The following ULK4 variants were observed in gnomAD, a reference collection of about 807,000 sequenced individuals.
ULK4 encodes the protein inactive serine/threonine-protein kinase ULK4.
Under a neutral mutation model 160.6 loss-of-function variants are expected in ULK4, and 133 were observed. That is an observed-to-expected ratio of 0.83 (90% confidence interval 0.72 to 0.96). The LOEUF (loss-of-function observed/expected upper bound fraction) is 0.96. Among genes scored for constraint, ULK4 ranks in the 40% least tolerant of loss-of-function variants. ULK4 has a pLI of 0.00. For missense variants in ULK4, 1,580 were observed against 1,499.5 expected (o/e 1.05, Z -0.89); for synonymous variants, 534 against 539.8 (o/e 0.99, Z 0.15).
Position 41,310,062 on chromosome 3 carries a change from T to G in ULK4, c.3679-60488A>C, listed in dbSNP as rs1178013970. Among the ~76,000 whole-genome samples, 3 of 152,238 alleles carry G rather than the reference T, an allele frequency of 2.0e-5. No homozygotes were observed. In the South Asian group the frequency reaches 6.2e-4, roughly 32 times the overall value. On this transcript the variant is annotated intron_variant, in intron 35 of 36. Coordinates refer to ENST00000301831, the MANE Select transcript of ULK4 (RefSeq NM_017886.4). ...AAACCTTGATGAACTTTAGTGTTTTTCAAACCATCTGTTGTGAAGGCTCCT... is the reference window on the plus strand; with the variant it reads ...AAACCTTGATGAACTTTAGTGTTTTGCAAACCATCTGTTGTGAAGGCTCCT...
intron 32 of ULK4, among the ~76,000 whole-genome samples, chr3:41,489,901 T>G (rs1269693488): frequency 6.6e-6 from 1 of 152,164 alleles, no homozygotes; most frequent in Non-Finnish European, 1.5e-5. Context: ...TAGGAATCTT[T>G]TTCTTTCCCA....
chr3:41,442,189 T>A (rs1035491214), intron 34 of ULK4, among the ~76,000 whole-genome samples: 1 of 152,094 alleles, frequency 6.6e-6, no homozygotes, highest in Non-Finnish European at 1.5e-5. Context: ...ACTGATTTAT[T>A]AGAGAGAGAG....
At chr3:41,300,641 C>A (rs1185255446) in intron 35 of ULK4, among the ~76,000 whole-genome samples, 1 of 151,406 alleles carries the variant, frequency 6.6e-6, no homozygotes, top group African/African-American at 2.4e-5. Flanking sequence ...CCTGGTGAGG[C>A]TCCTGTACCC....
At chr3:41,385,308 C>G (rs2125799822) in intron 35 of ULK4, among the ~76,000 whole-genome samples, 1 of 152,088 alleles carries the variant, frequency 6.6e-6, no homozygotes, top group Non-Finnish European at 1.5e-5. Flanking sequence ...AAACTATCAT[C>G]AATGGCAACA....
chr3:41,900,959 T>G, intron 12 of ULK4, 130 bp from the exon 13 acceptor site: 1 of 589,136 alleles, frequency 1.7e-6, no homozygotes, highest in Non-Finnish European at 2.9e-6. Flanking sequence ...CAACTGCTAT[T>G]CAAGATGGTT....
intron 35 of ULK4, among the ~76,000 whole-genome samples, chr3:41,332,840 T>C (rs763283376): frequency 1.3e-5 from 2 of 152,210 alleles, no homozygotes; most frequent in Non-Finnish European, 2.9e-5. Context: ...CTGTGTCTAT[T>C]GTTGCCATCT....
At chr3:41,945,627 CA>C (rs1168712027) in intron 2 of ULK4, among the ~76,000 whole-genome samples, 1 of 152,186 alleles carries the variant, frequency 6.6e-6, no homozygotes, top group Non-Finnish European at 1.5e-5. Context: ...ATGAATTTGA[CA>C]TATAAAGATA....
chr3:41,492,162 T>C (rs1166569365), intron 32 of ULK4, among the ~76,000 whole-genome samples: 1 of 151,038 alleles, frequency 6.6e-6, no homozygotes, highest in Non-Finnish European at 1.5e-5. Flanking sequence ...TCCAAGTCTT[T>C]GCTATTGTGA....
intron 35 of ULK4, among the ~76,000 whole-genome samples, chr3:41,366,154 C>G (rs1007664786): frequency 3.9e-5 from 6 of 152,174 alleles, no homozygotes; most frequent in Non-Finnish European, 7.3e-5. Context: ...GTTCAGCTCC[C>G]CATAGCAGAC....
intron 35 of ULK4, among the ~76,000 whole-genome samples, chr3:41,310,916 C>T (rs1289347749): frequency 6.6e-6 from 1 of 151,926 alleles, no homozygotes; most frequent in Admixed American, 6.6e-5. Context: ...TCACTTGAAC[C>T]CGGGAAGTTG....
At chr3:41,961,166 G>A (rs1384223721) in intron 1 of ULK4, among the ~76,000 whole-genome samples, 1 of 152,152 alleles carries the variant, frequency 6.6e-6, no homozygotes, top group Non-Finnish European at 1.5e-5. Context: ...TGCAAATGAG[G>A]CATTTAAGAG....
chr3:41,926,543 A>G (rs1185655448), intron 5 of ULK4, among the ~76,000 whole-genome samples: 1 of 152,142 alleles, frequency 6.6e-6, no homozygotes, highest in Non-Finnish European at 1.5e-5. Context: ...GGTAACAACA[A>G]CCTCCTCCGA....
chr3:41,610,742 AT>A (rs1169585604), intron 31 of ULK4, among the ~76,000 whole-genome samples: 1 of 152,212 alleles, frequency 6.6e-6, no homozygotes, highest in Non-Finnish European at 1.5e-5. Flanking sequence ...TATTGTTAAC[AT>A]TTGCCACTGA....
chr3:41,639,663 G>A (rs369879167), intron 30 of ULK4, among the ~76,000 whole-genome samples: 1 of 152,150 alleles, frequency 6.6e-6, no homozygotes, highest in Admixed American at 6.5e-5. Flanking sequence ...GGGAGGCGGA[G>A]GTTGCAGTGA....
At chr3:41,953,308 T>A (rs2888138) in intron 2 of ULK4, among the ~76,000 whole-genome samples, 54,192 of 91,978 alleles carry the variant, frequency 0.59, 16,010 homozygotes, top group East Asian at 0.73. Context: ...ATATATATTT[T>A]TTTTTTTTTT....
chr3:41,679,896 G>A (rs28735963), intron 29 of ULK4, among the ~76,000 whole-genome samples: 30,058 of 151,842 alleles, frequency 0.2, 7,847 homozygotes, highest in African/African-American at 0.6. Context: ...TTTTTTTCTT[G>A]AGAGACAGAG....
In ULK4 at chr3:41,740,379, T is replaced by C. The variant is rs148921643; in HGVS notation, c.2321+13982A>G. On this transcript the variant is annotated intron_variant, in intron 22 of 36. Coordinates refer to ENST00000301831, the MANE Select transcript of ULK4 (RefSeq NM_017886.4). ...CATCAGGAGCCACTGACATTTCAGC[T>C]CACGGCAAACCTATACAATCAGCTT... is the stretch of plus-strand genomic sequence containing the variant. Among the ~76,000 whole-genome samples the C allele has an allele frequency of 4.8e-4, 73 of 152,042 alleles. 1 individual carries two copies. The East Asian group carries it at 6.4e-3, about 13-fold the overall frequency.
At chr3:41,576,965 A>T (rs1446320297) in intron 31 of ULK4, among the ~76,000 whole-genome samples, 2 of 152,238 alleles carry the variant, frequency 1.3e-5, no homozygotes, top group African/African-American at 4.8e-5. Context: ...AAATAAATGG[A>T]AAGATTAATT....
intron 5 of ULK4, 108 bp from the exon 6 acceptor site, chr3:41,919,926 G>A (rs1442493295): frequency 1.7e-6 from 1 of 590,314 alleles, no homozygotes; most frequent in Non-Finnish European, 3.0e-6. Flanking sequence ...AGAAAAACAT[G>A]CGCATGAATA....
Sources: allele counts gnomAD v4.1 joint callset (sites outside exome capture counted in the v4.1 genomes callset), GRCh38; gene constraint gnomAD v4.1.1; transcripts MANE v1.5; gene names NCBI Gene and HGNC (gene_info 2026-07-23, HGNC 2026-07-21).